The following TEX14 variants were observed in gnomAD, a reference collection of about 807,000 sequenced individuals.
TEX14 encodes testis expressed 14, intercellular bridge forming factor.
Under a neutral mutation model 178.6 loss-of-function variants are expected in TEX14, and 168 were observed. That is an observed-to-expected ratio of 0.94 (90% CI 0.83 to 1.07). The LOEUF is 1.07. Ranked by LOEUF, TEX14 falls within the 50% of genes least tolerant of loss-of-function variation. The probability of loss-of-function intolerance (pLI) is 0.00; values close to 1 mark genes in which losing one functional copy is unlikely to be tolerated. For synonymous variants in TEX14, 626 were observed against 634.1 expected (o/e 0.99, Z 0.19); for missense variants, 1,730 against 1,753.6 (o/e 0.99, Z 0.24).
intron 1 of TEX14, among the ~76,000 whole-genome samples, chr17:58,654,611 A>G (rs1841080198): frequency 6.7e-6 from 1 of 150,272 alleles, no homozygotes; most frequent in Non-Finnish European, 1.5e-5. Flanking sequence ...GGTTCAAACG[A>G]TTCTCAGACC....
At chr17:58,627,589 G>T (rs2046174721) in intron 3 of TEX14, among the ~76,000 whole-genome samples, 1 of 151,952 alleles carries the variant, frequency 6.6e-6, no homozygotes, top group Non-Finnish European at 1.5e-5. Flanking sequence ...TGGCCAACAA[G>T]GTGAAACCGC....
chr17:58,620,868 C>A (rs894098499), intron 5 of TEX14, among the ~76,000 whole-genome samples: 11 of 152,088 alleles, frequency 7.2e-5, no homozygotes, highest in Non-Finnish European at 1.5e-4. Flanking sequence ...CGCAGCACAG[C>A]CGTTAGGAGT....
chr17:58,643,952 C>T (rs982007054), intron 2 of TEX14, among the ~76,000 whole-genome samples: 1 of 151,314 alleles, frequency 6.6e-6, no homozygotes, highest in Non-Finnish European at 1.5e-5. Context: ...CCCCGCCCCC[C>T]CCAAATACCT....
In TEX14 at chr17:58,638,330, G is replaced by A. The variant is rs867158608; in HGVS notation, c.137-7776C>T. 7.3e-5 allele frequency among the ~76,000 whole-genome samples: 11 copies of A among 150,882 alleles called. No individual in the cohort carries two copies. In the South Asian group the frequency reaches 1.1e-3, roughly 14 times the overall value. ...TCAAGACCAGTCTGCGCAACACAGC[G>A]AGACCTTGTCTCTACTACAATAAAT... On this transcript the variant is annotated intron_variant, in intron 2 of 31. Coordinates refer to ENST00000349033, the MANE Select transcript of TEX14 (RefSeq NM_031272.5).
intron 1 of TEX14, among the ~76,000 whole-genome samples, chr17:58,665,500 G>A (rs2047187904): frequency 1.3e-5 from 2 of 152,026 alleles, no homozygotes; most frequent in African/African-American, 4.8e-5. Flanking sequence ...TGAGGCTGAG[G>A]CATGAGAATT....
intron 1 of TEX14, 121 bp from the exon 2 acceptor site, chr17:58,652,123 A>C (rs1156584681): frequency 1.4e-6 from 1 of 704,186 alleles, no homozygotes; most frequent in Admixed American, 3.7e-5. Flanking sequence ...GATTAGGGGA[A>C]TAATTATTGA....
At chr17:58,673,819 C>T (rs1189144899) in intron 1 of TEX14, among the ~76,000 whole-genome samples, 4 of 152,112 alleles carry the variant, frequency 2.6e-5, no homozygotes, top group African/African-American at 9.7e-5. Flanking sequence ...GCGATCCTCC[C>T]ACCCTCCCAA....
intron 1 of TEX14, among the ~76,000 whole-genome samples, chr17:58,672,609 T>C (rs971148382): frequency 3.3e-5 from 5 of 152,110 alleles, no homozygotes; most frequent in African/African-American, 1.2e-4. Flanking sequence ...AATGTTTTTT[T>C]ATTTTTTGTA....
chr17:58,683,052 C>CAAAAAAAAAAA (rs1194798521), intron 1 of TEX14, among the ~76,000 whole-genome samples: 6 of 54,036 alleles, frequency 1.1e-4, no homozygotes, highest in African/African-American at 2.0e-4. Context: ...GAGTCTGTCT[C>CAAAAAAAAAAA]AAAAAAAAAA....
intron 7 of TEX14, 85 bp from the exon 8 acceptor site, chr17:58,615,430 A>G: frequency 3.5e-6 from 3 of 863,126 alleles, no homozygotes; most frequent in Non-Finnish European, 5.8e-6. Flanking sequence ...AGCAAGGACC[A>G]GAGAAATGGT....
chr17:58,647,639 C>T (rs1375778482), intron 2 of TEX14, among the ~76,000 whole-genome samples: 1 of 151,600 alleles, frequency 6.6e-6, no homozygotes, highest in African/African-American at 2.4e-5. Flanking sequence ...AAAATTTGTT[C>T]CACCAAAATC....
intron 2 of TEX14, 67 bp downstream of exon 2, chr17:58,651,799 C>G: frequency 6.9e-7 from 1 of 1,442,680 alleles, no homozygotes. Flanking sequence ...TATGACATTC[C>G]TTTTCCTCTG....
intron 17 of TEX14, 74 bp from the exon 18 acceptor site, chr17:58,586,156 T>C (rs2144413267): frequency 1.4e-6 from 2 of 1,430,310 alleles, no homozygotes; most frequent in Admixed American, 4.3e-5. Flanking sequence ...CTAAAAGAAA[T>C]ACATAATACT....
chr17:58,563,621 TTATATATATATA>T (rs3034889), intron 28 of TEX14, among the ~76,000 whole-genome samples: 5,327 of 46,440 alleles, frequency 0.11, 300 homozygotes, highest in African/African-American at 0.14. Context: ...CATCTCTAAT[TTATATATATATA>T]TATATATATA....
rs2567907 is a variant in TEX14 at position 58,666,487 on chromosome 17, A to C, written c.-1-14485T>G. ...AAAAAAAAAAAAAAAAAAAAAAAAA[A>C]GCAAAAGCTAATACACAACTAACAA... On this transcript the variant is annotated intron_variant, in intron 1 of 31. Transcript: ENST00000349033. 631 of 96,354 alleles carry C rather than the reference A, an allele frequency of 6.5e-3. 7 individuals carry two copies. The highest frequency in any genetic ancestry group is 0.022 in the African/African-American group (601 of 27,844). The allele number at this position is 96,354 out of a possible 1,614,324, so 6.0% of individuals were successfully genotyped here.
intron 21 of TEX14, among the ~76,000 whole-genome samples, chr17:58,574,737 G>A (rs2044636091): frequency 1.3e-5 from 2 of 149,078 alleles, no homozygotes; most frequent in East Asian, 2.0e-4. Context: ...TACTAGCTGC[G>A]AGTTCTCTGA....
intron 2 of TEX14, among the ~76,000 whole-genome samples, chr17:58,641,199 T>A (rs2046565965): frequency 2.0e-5 from 3 of 151,908 alleles, no homozygotes; most frequent in Admixed American, 1.3e-4. Flanking sequence ...TCACCTGAGG[T>A]GGGGAGTTTG....
chr17:58,570,443 A>G lies in TEX14; in HGVS notation c.3759T>C (p.Leu1253=). 6.6e-7 allele frequency: 1 copy of G among 1,522,994 alleles called. No homozygotes were observed. The highest frequency in any genetic ancestry group is 8.7e-7 in the Non-Finnish European group (1 of 1,148,214). The allele number at this position is 1,522,994 out of a possible 1,614,324, so 94.3% of individuals were successfully genotyped here. ...GTGGTGATGAGTCACATGCCTTAAC[A>G]AGGCTGGGGGATCCAGCCCCAATAA... is the stretch of plus-strand genomic sequence containing the variant. ...SSFIGAGSPS[L]VKACDSSPPH... is the part of the protein sequence containing the mutation. Residue 1253 remains leucine (L), a synonymous_variant, in exon 25 of 32, where the codon CTT becomes CTC. Coordinates refer to ENST00000349033, the MANE Select transcript of TEX14 (RefSeq NM_031272.5).
intron 2 of TEX14, among the ~76,000 whole-genome samples, chr17:58,632,187 A>G (rs1415313230): frequency 6.6e-6 from 1 of 152,236 alleles, no homozygotes; most frequent in Non-Finnish European, 1.5e-5. Flanking sequence ...ATCGGAAGCA[A>G]GAAGGCCCTT....
Sources: gnomAD v4.1 joint callset for allele counts (sites outside exome capture counted in the v4.1 genomes callset) on GRCh38, gnomAD v4.1.1 for gene constraint, MANE v1.5 for transcripts, NCBI Gene and HGNC (gene_info 2026-07-23, HGNC 2026-07-21) for gene names.